ZNF117: variants seen among roughly 807,000 people sequenced by gnomAD.
ZNF117 encodes zinc finger protein 117, also known as Krueppel-related zinc finger protein.
ZNF117 carries 37 observed loss-of-function variants against 41.2 expected under a neutral mutation model. The observed-to-expected ratio is 0.90, with a 90% CI of 0.69 to 1.18. The LOEUF is 1.18. ZNF117 is among the 50% of genes most tolerant of loss of function. The pLI is 0.00. For missense variants in ZNF117, 546 were observed against 557.5 expected (o/e 0.98, Z 0.21); for synonymous variants, 186 against 186.6 (o/e 1.00, Z 0.02).
At chr7:64,979,149 G>A (rs1348208733) in exon 3 of ZNF117, 24 of 1,605,842 alleles carry the variant, frequency 1.5e-5, no homozygotes, top group Non-Finnish European at 2.0e-5. Flanking sequence ...TCTTCCATAT[G>A]CTTCACATTT....
exon 3 of ZNF117, chr7:64,974,825 TA>T (rs1785845282): frequency 6.6e-6 from 1 of 151,912 alleles, no homozygotes. Flanking sequence ...TTAAAGTAAC[TA>T]AAAGTGTAGA....
chr7:64,983,589 GGTCAT>G (rs1351595095), upstream of ZNF117, among the ~76,000 whole-genome samples: 1 of 151,996 alleles, frequency 6.6e-6, no homozygotes, highest in African/African-American at 2.4e-5. Flanking sequence ...CTTAAAAAAA[GGTCAT>G]GTCTTCCTCT....
intron 1 of ZNF117, 85 bp from the exon 3 acceptor site, chr7:64,981,567 A>G: frequency 3.5e-6 from 4 of 1,155,528 alleles, no homozygotes; most frequent in Non-Finnish European, 5.0e-6. Context: ...AGAGAATGCA[A>G]TAGAATATTC....
intron 2 of ZNF117, chr7:64,980,437 C>T (rs982909288): frequency 1.3e-5 from 2 of 150,144 alleles, no homozygotes; most frequent in African/African-American, 4.9e-5. Flanking sequence ...AATAGAAACA[C>T]AGACAACTAT....
intron 1 of ZNF117, among the ~76,000 whole-genome samples, chr7:64,989,469 AT>A (rs1562649345): frequency 1.9e-5 from 2 of 106,602 alleles, no homozygotes; most frequent in Non-Finnish European, 3.8e-5. Flanking sequence ...ATATATATAT[AT>A]ATATATATAT....
exon 3 of ZNF117, chr7:64,977,889 T>A: frequency 8.4e-7 from 1 of 1,195,532 alleles, no homozygotes; most frequent in Non-Finnish European, 1.2e-6. Flanking sequence ...TCTGCCACAT[T>A]CTTCACATTT....
At chr7:64,981,255 TAAA>T in intron 2 of ZNF117, 129 bp downstream of exon 3, 1 of 1,132,146 alleles carries the variant, frequency 8.8e-7, no homozygotes, top group Non-Finnish European at 1.3e-6. Context: ...GAGAGAAAAA[TAAA>T]AAAAAACTCG....
At chr7:64,980,649 C>T (rs1405683419) in intron 2 of ZNF117, 2 of 151,776 alleles carry the variant, frequency 1.3e-5, no homozygotes, top group African/African-American at 2.4e-5. Context: ...AAGTCACAGA[C>T]AAGAGAATAT....
chr7:64,979,101 C>A (rs371560994), exon 3 of ZNF117: 3 of 1,612,756 alleles, frequency 1.9e-6, no homozygotes, highest in East Asian at 2.2e-5. Flanking sequence ...AGTATGAATT[C>A]TCTTATGTTT....
chr7:64,974,081 C>G (rs1247406110), downstream of ZNF117: 1 of 151,786 alleles, frequency 6.6e-6, no homozygotes, highest in Non-Finnish European at 1.5e-5. Context: ...AATAAATTTA[C>G]TTATGTCAAT....
At chr7:64,977,014 T>G (rs1785902670) in exon 3 of ZNF117, 1 of 533,262 alleles carries the variant, frequency 1.9e-6, no homozygotes, top group Admixed American at 2.0e-5. Context: ...TTATGTGCAG[T>G]AAGGTTTGAG....
At chr7:64,978,245 C>T in exon 3 of ZNF117, 10 of 1,611,584 alleles carry the variant, frequency 6.2e-6, no homozygotes, top group South Asian at 1.1e-5. Flanking sequence ...TGTAGGGTTT[C>T]TCTCCAGTAT....
exon 3 of ZNF117, chr7:64,975,953 GT>G (rs1785877241): frequency 6.6e-6 from 1 of 152,104 alleles, no homozygotes; most frequent in African/African-American, 2.4e-5. Flanking sequence ...TTTGAAAAAT[GT>G]TTTTCCAAAT....
chr7:64,980,131 T>C (rs1785994730), intron 2 of ZNF117: 1 of 152,446 alleles, frequency 6.6e-6, no homozygotes, highest in African/African-American at 2.4e-5. Context: ...ATAAAGTCTT[T>C]TAACTAAAAA....
intron 2 of ZNF117, 52 bp downstream of exon 3, chr7:64,981,335 C>T: frequency 6.2e-7 from 1 of 1,603,952 alleles, no homozygotes; most frequent in Non-Finnish European, 8.5e-7. Flanking sequence ...GTGGCCTTCT[C>T]CTTGGCCTTT....
At chr7:64,972,623 C>T (rs376673131), downstream of ZNF117, 4 of 151,916 alleles carry the variant, frequency 2.6e-5, no homozygotes, top group South Asian at 6.3e-4. Context: ...GTGGTGACCA[C>T]CAGACACCAA....
chr7:64,978,550 C>T (rs759946726), exon 3 of ZNF117: 4 of 1,613,040 alleles, frequency 2.5e-6, no homozygotes, highest in South Asian at 1.1e-5. Flanking sequence ...TGGTTAAAAG[C>T]TTTGCCACAT....
At chr7:64,978,403 T>C (rs776538878) in exon 3 of ZNF117, 5 of 1,613,794 alleles carry the variant, frequency 3.1e-6, no homozygotes, top group Non-Finnish European at 4.2e-6. Context: ...TCTCTACATT[T>C]GTGGGGATTC....
At chr7:64,980,981 A>AC (rs80159575) in intron 2 of ZNF117, 97,855 of 188,720 alleles carry the variant, frequency 0.52, 26,789 homozygotes, top group Admixed American at 0.63. Context: ...CAACAAAAAA[A>AC]CCAATGGAAC....
Sources: allele counts gnomAD v4.1 joint callset (sites outside exome capture counted in the v4.1 genomes callset), GRCh38; gene constraint gnomAD v4.1.1; transcripts MANE v1.5; gene names NCBI Gene and HGNC (gene_info 2026-07-23, HGNC 2026-07-21).